The following HMCN2 variants were observed in gnomAD, a reference collection of about 807,000 sequenced individuals.
The protein encoded by HMCN2 is hemicentin-2.
A neutral mutation model predicts 377.5 loss-of-function variants in HMCN2; 325 were observed. That is an observed-to-expected ratio of 0.86 (90% CI 0.79 to 0.94). The LOEUF is 0.94. HMCN2 is among the 40% of genes least tolerant of loss of function. The pLI is 0.00. For missense variants in HMCN2, 4,543 were observed against 4,725.3 expected (o/e 0.96, Z 1.13); for synonymous variants, 2,007 against 2,046.8 (o/e 0.98, Z 0.53).
intron 4 of HMCN2, among the ~76,000 whole-genome samples, chr9:130,291,319 C>T (rs1554929984): frequency 6.6e-6 from 1 of 152,206 alleles, no homozygotes; most frequent in African/African-American, 2.4e-5. Flanking sequence ...AAGCAATTCC[C>T]CTGCCTCAGC....
At chr9:130,280,152 T>G (rs113683239) in intron 1 of HMCN2, among the ~76,000 whole-genome samples, 19,578 of 143,110 alleles carry the variant, frequency 0.14, 1,511 homozygotes, top group Non-Finnish European at 0.19. Flanking sequence ...GTGTGTGTGT[T>G]TTTTTTTTTT....
chr9:130,393,814 C>T lies in HMCN2; in HGVS notation c.10307C>T (p.Pro3436Leu), dbSNP rs1185627122. 7.8e-6 allele frequency: 10 copies of T among 1,287,746 alleles called. No individual in the cohort carries two copies. The highest frequency in any genetic ancestry group is 5.6e-5 in the East Asian group (1 of 18,006). The allele number at this position is 1,287,746 out of a possible 1,614,324, so 79.8% of individuals were successfully genotyped here. ...GTTCGTGGCTCCCTGGTGGAACTCCCGTGCGAGGCCCGGGGCGTTCCCCTG... is the reference window on the plus strand; with the variant it reads ...GTTCGTGGCTCCCTGGTGGAACTCCTGTGCGAGGCCCGGGGCGTTCCCCTG... ...VVVRGSLVELPCEARGVPLPL... is the reference protein window; with the variant it reads ...VVVRGSLVELLCEARGVPLPL... Residue 3436 changes from proline (P) to leucine (L), a missense_variant, in exon 68 of 98, where the codon CCG becomes CTG. Transcript: ENST00000683500. This position sits in a 1 kb window ranked among gnomAD's most constrained non-coding sequence, Gnocchi z 5.2.
chr9:130,424,889 G>A lies in HMCN2; in HGVS notation c.13495G>A (p.Glu4499Lys), dbSNP rs899603804. The change falls in exon 88 of 98, where the codon GAG (glutamate) becomes AAG (lysine). Residue 4499 changes from glutamate (E) to lysine (K), a missense_variant. Transcript: ENST00000683500. ...TCTGACTGGGGGCAGGTTCCGGCAG[G>A]AGTCACACGTGGAGTTTGCTACAGG... The part of the protein sequence containing the change: ...HSLTGGRFRQ[E>K]SHVEFATGEL... 4 of 1,460,106 alleles carry A rather than the reference G, an allele frequency of 2.7e-6. No homozygotes were observed. The highest frequency in any genetic ancestry group is 3.6e-6 in the Non-Finnish European group (4 of 1,100,814). 90.4% of individuals were successfully genotyped at this position (1,460,106 alleles called of 1,614,324 possible).
Position 130,354,871 on chromosome 9 carries a change from T to A in HMCN2, c.4973T>A (p.Leu1658His), listed in dbSNP as rs1839938566. Residue 1658 changes from leucine to histidine, a missense_variant, in exon 32 of 98, where the codon CTC (leucine) becomes CAC (histidine). By Grantham distance (99) the Leu-to-His change is moderately conservative (BLOSUM62 -3). This residue lies in a region of HMCN2 where 1,032 missense variants were observed against 1,285.1 expected (regional missense o/e 0.80). Transcript: ENST00000683500. The part of the protein sequence containing the change: ...CVARGHPSPT[L>H]SWHHEGLPVA... The stretch of plus-strand genomic sequence containing the variant: ...GCCAGAGGCCACCCGTCCCCCACCC[T>A]CTCCTGGCACCACGAGGGGCTGCCC... 2 of 1,304,046 alleles carry A rather than the reference T, an allele frequency of 1.5e-6. No homozygotes were observed. The highest frequency in any genetic ancestry group is 2.3e-5 in the Admixed American group (1 of 43,542). The allele number at this position is 1,304,046 out of a possible 1,614,324, so 80.8% of individuals were successfully genotyped here. A position where few individuals can be genotyped will look rare whatever the true frequency, so the allele number is the denominator to read the frequency against.
At position 130,394,678 on chromosome 9, in the gene HMCN2, C is replaced by A; in HGVS notation, c.10692+103C>A. 3 of 929,704 alleles carry A rather than the reference C, an allele frequency of 3.2e-6. No individual in the cohort carries two copies. Among genetic ancestry groups the A allele is most frequent in the Non-Finnish European group, 4.3e-6 (3 of 693,542 alleles). The allele number at this position is 929,704 out of a possible 1,614,324, so 57.6% of individuals were successfully genotyped here. On this transcript the variant is annotated intron_variant, in intron 69 of 97. Coordinates refer to ENST00000683500, the MANE Select transcript of HMCN2 (RefSeq NM_001291815.2). This position sits in a 1 kb window ranked among gnomAD's most constrained non-coding sequence, Gnocchi z 5.1. The stretch of plus-strand genomic sequence containing the variant: ...GGCAGTTGACAAAGTTGGGCTGAAG[C>A]ACCTCCTCTGTGTGGGGTGTGAGGG...
intron 61 of HMCN2, 58 bp from the exon 62 acceptor site, chr9:130,388,350 AG>A (rs1842125483): frequency 2.0e-6 from 2 of 986,226 alleles, no homozygotes; most frequent in South Asian, 9.4e-5. Flanking sequence ...GATCTGCCTG[AG>A]GGGAAGGAAA....
At chr9:130,339,793 C>G (rs1157238950) in intron 23 of HMCN2, among the ~76,000 whole-genome samples, 1 of 152,232 alleles carries the variant, frequency 6.6e-6, no homozygotes, top group Non-Finnish European at 1.5e-5. Flanking sequence ...TGGTCTCCAC[C>G]CAAGGGCCAG....
intron 22 of HMCN2, among the ~76,000 whole-genome samples, chr9:130,329,988 C>A: frequency 6.7e-6 from 1 of 150,292 alleles, no homozygotes; most frequent in South Asian, 2.2e-4. Flanking sequence ...TCCCTACATC[C>A]TCTTCCTCTT....
rs1356551173 is a variant in HMCN2, at chr9:130,351,762, G to A, written c.4585+185G>A. ...AGGGTCAGGGGATAGAGGTTATCTG[G>A]CCCAGCATTTTCCAAATCCGTGGTT... On this transcript the variant is annotated intron_variant, in intron 30 of 97. Coordinates refer to ENST00000683500, the MANE Select transcript of HMCN2 (RefSeq NM_001291815.2). The surrounding 1 kb of genome is among the most constrained non-coding windows in gnomAD (Gnocchi z 5.4). Among the ~76,000 whole-genome samples the A allele has an allele frequency of 6.6e-6, 1 of 152,106 alleles. No individual in the cohort carries two copies. Among genetic ancestry groups the A allele is most frequent in the African/African-American group, 2.4e-5 (1 of 41,408 alleles).
intron 12 of HMCN2, among the ~76,000 whole-genome samples, chr9:130,306,488 GCGCCCAAATCCCGCCCCCACCATTCAGGC>G (rs1836866077): frequency 6.6e-6 from 1 of 152,068 alleles, no homozygotes; most frequent in African/African-American, 2.4e-5. Flanking sequence ...GTATGGACCT[GCGCCCAAATCCCGCCCCCACCATTCAGGC>G]TGTGTGGACC....
chr9:130,372,633 G>C (rs1841086829), intron 47 of HMCN2, among the ~76,000 whole-genome samples: 1 of 152,128 alleles, frequency 6.6e-6, no homozygotes, highest in Non-Finnish European at 1.5e-5. Context: ...AAATTAACAG[G>C]GCATGGTGGT....
At chr9:130,419,645 T>C (rs1313229995) in intron 86 of HMCN2, 2 of 152,250 alleles carry the variant, frequency 1.3e-5, no homozygotes, top group Non-Finnish European at 2.9e-5. Context: ...ACTCCATATA[T>C]GTGGGGATGT....
chr9:130,430,807 T>C lies in HMCN2; in HGVS notation c.14647+203T>C, dbSNP rs186903610. The C allele has an allele frequency of 5.4e-4, 316 of 580,158 alleles. 4 individuals are homozygous for C. The East Asian group carries it at 9.0e-3, about 17-fold the overall frequency. The allele number at this position is 580,158 out of a possible 1,614,324, so 35.9% of individuals were successfully genotyped here. On this transcript the variant is annotated intron_variant, in intron 95 of 97. Coordinates refer to ENST00000683500, the MANE Select transcript of HMCN2 (RefSeq NM_001291815.2). The stretch of plus-strand genomic sequence containing the variant: ...GCTATTGGGCAGGGGGCTTCCAAGA[T>C]GGTGTGGACTATTTTTTAAACCATT...
At position 130,430,363 on chromosome 9, in the gene HMCN2, C is replaced by T. The variant is rs1164945384; in HGVS notation, c.14406C>T (p.Cys4802=). The T allele has an allele frequency of 1.9e-6, 3 of 1,549,132 alleles. No homozygotes were observed. Among genetic ancestry groups the T allele is most frequent in the East Asian group, 2.4e-5 (1 of 40,918 alleles). The change falls in exon 95 of 98, where the codon TGC becomes TGT. Residue 4802 remains cysteine, a synonymous_variant. Transcript: ENST00000683500. ...HNLQGSYRCL[C]PPGQTLLRDG... ...TCCAGGGCAGCTACCGCTGCCTGTG[C>T]CCCCCAGGCCAGACCCTCCTTCGCG...
At chr9:130,384,345 TTCTC>T in intron 57 of HMCN2, 24 bp from the exon 58 acceptor site, 24 of 1,275,174 alleles carry the variant, frequency 1.9e-5, no homozygotes, top group Non-Finnish European at 2.5e-5. Flanking sequence ...TCTCATGCCT[TTCTC>T]TACCGTGGTG....
chr9:130,372,695 C>T (rs1841090879), intron 47 of HMCN2, among the ~76,000 whole-genome samples: 1 of 152,204 alleles, frequency 6.6e-6, no homozygotes, highest in Non-Finnish European at 1.5e-5. Context: ...GTGATCGTGC[C>T]ACTGCACTCC....
intron 22 of HMCN2, among the ~76,000 whole-genome samples, chr9:130,328,703 C>T (rs1838273055): frequency 6.6e-6 from 1 of 152,192 alleles, no homozygotes; most frequent in African/African-American, 2.4e-5. Context: ...AGACCCGGTG[C>T]CGAACTGCCT....
chr9:130,334,546 G>T (rs1838604785), intron 22 of HMCN2, among the ~76,000 whole-genome samples: 1 of 116,972 alleles, frequency 8.5e-6, no homozygotes, highest in Non-Finnish European at 1.8e-5. Flanking sequence ...AACACTTTTG[G>T]AAGTTTTTTT....
At position 130,372,390 on chromosome 9, in the gene HMCN2, T is replaced by G; in HGVS notation, c.7334T>G (p.Phe2445Cys). 4.1e-6 allele frequency: 4 copies of G among 985,582 alleles called. No homozygotes were observed. The highest frequency in any genetic ancestry group is 4.8e-6 in the Non-Finnish European group (4 of 829,776). The allele number at this position is 985,582 out of a possible 1,614,324, so 61.1% of individuals were successfully genotyped here. The change falls in exon 47 of 98, where the codon TTC (phenylalanine) becomes TGC (cysteine). Residue 2445 changes from phenylalanine to cysteine, a missense_variant. Transcript: ENST00000683500. ...SNEAGEARRN[F>C]SVEVLVPPSI... Reference sequence around the variant, plus strand: ...GAGGCTGGGGAGGCACGGAGGAACTTCAGTGTGGAGGTGCTGGGTGCGTTA... The same window carrying G: ...GAGGCTGGGGAGGCACGGAGGAACTGCAGTGTGGAGGTGCTGGGTGCGTTA...
Sources: gnomAD v4.1 joint callset for allele counts (sites outside exome capture counted in the v4.1 genomes callset) on GRCh38, gnomAD v4.1.1 for gene constraint, gnomAD v4.1.1 regional missense constraint, Gnocchi (gnomAD v3.1) non-coding constraint, MANE v1.5 for transcripts, NCBI Gene and HGNC (gene_info 2026-07-23, HGNC 2026-07-21) for gene names.